The following STK32A variants were observed in gnomAD, a reference collection of about 807,000 sequenced individuals.
STK32A encodes the protein serine/threonine kinase 32A.
Under a neutral mutation model 53.2 loss-of-function variants are expected in STK32A, and 41 were observed. The ratio of observed to expected loss-of-function variants is 0.77; its 90% CI spans 0.60 to 1.00. STK32A has a LOEUF of 1.00. Ranked by LOEUF, STK32A falls within the 50% of genes least tolerant of loss-of-function variation. STK32A has a pLI of 0.00. For missense variants in STK32A, 458 were observed against 485.8 expected (o/e 0.94, Z 0.54); for synonymous variants, 166 against 162.8 (o/e 1.02, Z -0.15).
downstream of STK32A, among the ~76,000 whole-genome samples, chr5:147,390,494 A>AC (rs60067344): frequency 6.6e-6 from 1 of 150,622 alleles, no homozygotes; most frequent in Non-Finnish European, 1.5e-5. Context: ...AAAAAAAAAA[A>AC]CCCAAAACAA....
At position 147,286,748 on chromosome 5, in the gene STK32A, A is replaced by G. The variant is rs374124368; in HGVS notation, c.260+7350A>G. Among the ~76,000 whole-genome samples, 9 of 152,144 alleles carry G rather than the reference A, an allele frequency of 5.9e-5. No individual in the cohort carries two copies. In the East Asian group the frequency reaches 1.5e-3, roughly 26 times the overall value. ...TATAGTGAAAGAACATTTTTCTTTT[A>G]TTGTCACTAACAAATACTTCTTGGT... On this transcript the variant is annotated intron_variant, in intron 4 of 12. Transcript: ENST00000397936.
At chr5:147,401,572 A>C in the STK32A span, 16 of 1,613,496 alleles carry the variant, frequency 9.9e-6, no homozygotes, top group African/African-American at 4.0e-5. Flanking sequence ...AGTCCGGAGT[A>C]GTTGGGTCAG....
At position 147,387,250 on chromosome 5, in the gene STK32A, G is replaced by C. The variant is rs1377450541; in HGVS notation, c.*3267G>C. The C allele has an allele frequency of 6.6e-6, 1 of 152,268 alleles. No individual in the cohort carries two copies. Among genetic ancestry groups the C allele is most frequent in the Non-Finnish European group, 1.5e-5 (1 of 68,062 alleles). The allele number at this position is 152,268 out of a possible 1,614,324, so 9.4% of individuals were successfully genotyped here. A position where few individuals can be genotyped will look rare whatever the true frequency, so the allele number is the denominator to read the frequency against. On this transcript the variant is annotated 3_prime_UTR_variant, in exon 13 of 13. Coordinates refer to ENST00000397936, the MANE Select transcript of STK32A (RefSeq NM_001112724.2). The stretch of plus-strand genomic sequence containing the variant: ...TATGCCACAACCCTAATTCCAGGAA[G>C]TCGTCTGCTAATGGCTAACCCACTG...
At chr5:147,400,948 G>C in the STK32A span, 1 of 1,342,898 alleles carries the variant, frequency 7.4e-7, no homozygotes, top group Non-Finnish European at 1.0e-6. Flanking sequence ...GGTTTGGAAT[G>C]CCTCCTCTAC....
chr5:147,344,267 A>AG (rs1246208847), intron 6 of STK32A, among the ~76,000 whole-genome samples: 2 of 152,180 alleles, frequency 1.3e-5, no homozygotes, highest in Non-Finnish European at 2.9e-5. Context: ...ACCTGTGCTC[A>AG]GGGGGCTAAG....
At chr5:147,340,550 C>T (rs910026136) in intron 5 of STK32A, among the ~76,000 whole-genome samples, 5 of 152,140 alleles carry the variant, frequency 3.3e-5, no homozygotes, top group African/African-American at 9.7e-5. Context: ...AGTTTCTTTT[C>T]ATTTTCTCTC....
chr5:147,253,974 G>A (rs1160884432), intron 2 of STK32A, among the ~76,000 whole-genome samples: 1 of 152,120 alleles, frequency 6.6e-6, no homozygotes, highest in Non-Finnish European at 1.5e-5. Context: ...CAAGTGCTAA[G>A]CATGGCACAA....
intron 4 of STK32A, among the ~76,000 whole-genome samples, chr5:147,317,897 T>C (rs774524962): frequency 9.9e-5 from 15 of 152,206 alleles, no homozygotes; most frequent in Admixed American, 3.3e-4. Context: ...CTCATTTTTA[T>C]TAGTTTCTTT....
chr5:147,398,625 A>G, the STK32A span, among the ~76,000 whole-genome samples: 1 of 152,210 alleles, frequency 6.6e-6, no homozygotes, highest in Non-Finnish European at 1.5e-5. Flanking sequence ...AGAAGTCATC[A>G]CTGCTGTTTA....
intron 5 of STK32A, among the ~76,000 whole-genome samples, chr5:147,331,466 AATAATAAG>A (rs1754869728): frequency 6.6e-6 from 1 of 152,186 alleles, no homozygotes; most frequent in East Asian, 1.9e-4. Flanking sequence ...TCACTCTTAT[AATAATAAG>A]ATATCCTCAA....
At chr5:147,322,835 A>G (rs937249588) in intron 4 of STK32A, among the ~76,000 whole-genome samples, 2 of 151,324 alleles carry the variant, frequency 1.3e-5, no homozygotes, top group Admixed American at 6.6e-5. Flanking sequence ...TCATCCCTAC[A>G]CTCCTTCCTG....
chr5:147,344,065 T>A (rs1755567913), intron 6 of STK32A, among the ~76,000 whole-genome samples: 1 of 152,180 alleles, frequency 6.6e-6, no homozygotes, highest in Non-Finnish European at 1.5e-5. Flanking sequence ...AAACTGTATG[T>A]TATAAATGTT....
intron 4 of STK32A, among the ~76,000 whole-genome samples, chr5:147,320,172 C>G (rs1754236851): frequency 6.6e-6 from 1 of 152,228 alleles, no homozygotes; most frequent in African/African-American, 2.4e-5. Context: ...ATTTGACTCA[C>G]AATTTGAAAA....
chr5:147,348,653 G>C (rs1241497451), intron 6 of STK32A: 1 of 760,956 alleles, frequency 1.3e-6, no homozygotes. Context: ...ATGTCTGGCT[G>C]CTCATCTGAA....
intron 5 of STK32A, among the ~76,000 whole-genome samples, chr5:147,341,651 T>A (rs892375068): frequency 6.8e-6 from 1 of 147,310 alleles, no homozygotes; most frequent in Non-Finnish European, 1.5e-5. Flanking sequence ...CTGGCAAGAA[T>A]TTTTTTTTTT....
At chr5:147,293,995 T>C (rs1008626144) in intron 4 of STK32A, among the ~76,000 whole-genome samples, 1 of 152,208 alleles carries the variant, frequency 6.6e-6, no homozygotes, top group Admixed American at 6.5e-5. Context: ...CAGCTTTGAC[T>C]GCAGAAGATA....
At chr5:147,253,992 T>C (rs1754113990) in intron 2 of STK32A, among the ~76,000 whole-genome samples, 1 of 152,200 alleles carries the variant, frequency 6.6e-6, no homozygotes, top group South Asian at 2.1e-4. Flanking sequence ...CAAGTAGATA[T>C]CATGGAATTC....
At chr5:147,311,207 C>T (rs187536948) in intron 4 of STK32A, among the ~76,000 whole-genome samples, 1 of 152,212 alleles carries the variant, frequency 6.6e-6, no homozygotes, top group Non-Finnish European at 1.5e-5. Context: ...ATCACAGTAT[C>T]CTTCACTTTT....
Position 147,241,655 on chromosome 5 carries a change from C to CA in STK32A, c.52+1970dup, listed in dbSNP as rs1456373061. ...AGGGGTCTTAAGAAAACTTTTTTTTCATGGCTATTGTGATTGCCTTGCTTT... is the reference window on the plus strand; with the variant it reads ...AGGGGTCTTAAGAAAACTTTTTTTTCAATGGCTATTGTGATTGCCTTGCTTT... On this transcript the variant is annotated intron_variant, in intron 2 of 12. Transcript: ENST00000397936. Among the ~76,000 whole-genome samples, 6 of 152,122 alleles carry CA rather than the reference C, an allele frequency of 3.9e-5. No homozygotes were observed. In the East Asian group the frequency reaches 1.2e-3, roughly 29 times the overall value.
Sources: gnomAD v4.1 joint callset for allele counts (sites outside exome capture counted in the v4.1 genomes callset) on GRCh38, gnomAD v4.1.1 for gene constraint, MANE v1.5 for transcripts, NCBI Gene and HGNC (gene_info 2026-07-23, HGNC 2026-07-21) for gene names.